Variants in CCDC92B observed in about 807,000 individuals in gnomAD.
CCDC92B encodes coiled-coil domain containing 92B.
In CCDC92B, 2 loss-of-function variants were observed where a neutral mutation model predicts 5.6. The ratio of observed to expected loss-of-function variants is 0.36; its 90% confidence interval spans 0.15 to 1.12. The LOEUF (loss-of-function observed/expected upper bound fraction) is 1.12, where lower values mean the gene tolerates loss of function less well. CCDC92B is among the 50% of genes most tolerant of loss of function. CCDC92B has a pLI of 0.40. For synonymous variants in CCDC92B, 115 were observed against 122.3 expected, an observed-to-expected ratio of 0.94 and a Z score of 0.39; for missense variants, 271 against 262.2, an observed-to-expected ratio of 1.03 and a Z score of -0.23.
chr17:2,749,543 TGCTG>T lies in CCDC92B; in HGVS notation c.-160_-157del, dbSNP rs1464267106. The T allele has an allele frequency of 1.4e-5, 2 of 145,072 alleles. No individual in the cohort carries two copies. Among genetic ancestry groups the T allele is most frequent in the African/African-American group, 5.2e-5 (2 of 38,480 alleles). 9.0% of individuals were successfully genotyped at this position (145,072 alleles called of 1,614,324 possible). A position where few individuals can be genotyped will look rare whatever the true frequency, so the allele number is the denominator to read the frequency against. On this transcript the variant is annotated 5_prime_UTR_variant, in exon 1 of 4. Coordinates refer to ENST00000614400, the MANE Select transcript of CCDC92B (RefSeq NM_001355573.2). Reference sequence around the variant, plus strand: ...CCGCCCCGGCTGCGGCGCCATCAGCTGCTGGGAGGCTGCGGGGCAGTCGGGCCGG... The same window carrying T: ...CCGCCCCGGCTGCGGCGCCATCAGCTGGAGGCTGCGGGGCAGTCGGGCCGG...
Position 2,724,578 on chromosome 17 carries a change from GGGCGCCGGCCCCGCGGTCCCA to G in CCDC92B, c.580_600del (p.Trp194_Ala200del). ...TCGGGCATGGGGTCGGCGTCGTCGA[GGGCGCCGGCCCCGCGGTCCCA>G]GGCGGCCCAGTCCCGGCCGGGGCCC... On this transcript the variant is annotated inframe_deletion, in exon 4 of 4. Coordinates refer to ENST00000614400, the MANE Select transcript of CCDC92B (RefSeq NM_001355573.2). The surrounding 1 kb of genome is among the most constrained non-coding windows in gnomAD (Gnocchi z 5.0). 2.0e-6 allele frequency: 2 copies of G among 981,856 alleles called. No homozygotes were observed. The highest frequency in any genetic ancestry group is 2.4e-6 in the Non-Finnish European group (2 of 828,456). 60.8% of individuals were successfully genotyped at this position (981,856 alleles called of 1,614,324 possible).
chr17:2,730,765 C>T (rs919842251), intron 2 of CCDC92B, among the ~76,000 whole-genome samples: 4 of 152,104 alleles, frequency 2.6e-5, no homozygotes, highest in East Asian at 1.9e-4. Context: ...AGCCTGGGTT[C>T]GGAGTTTAGT....
In CCDC92B at chr17:2,745,488, G is replaced by C. The variant is rs147278094; in HGVS notation, c.-24+3923C>G. Among the ~76,000 whole-genome samples, 1,056 of 152,234 alleles carry C rather than the reference G, an allele frequency of 6.9e-3. 10 individuals carry two copies. Among genetic ancestry groups the C allele is most frequent in the African/African-American group, 0.024 (1,005 of 41,556 alleles). On this transcript the variant is annotated intron_variant, in intron 1 of 3. Transcript: ENST00000614400. Reference sequence around the variant, plus strand: ...TTGAGTATTTGCTTCCAACTAGGCAGGCTGCTTTTCTCAGGGAGGAAATTT... The same window carrying C: ...TTGAGTATTTGCTTCCAACTAGGCACGCTGCTTTTCTCAGGGAGGAAATTT...
At chr17:2,728,917 T>C (rs554907145) in intron 3 of CCDC92B, among the ~76,000 whole-genome samples, 1 of 152,316 alleles carries the variant, frequency 6.6e-6, no homozygotes, top group East Asian at 1.9e-4. Flanking sequence ...ACATCATAGC[T>C]TAAACTTCCA....
Position 2,724,652 on chromosome 17 carries a change from G to C in CCDC92B, c.527C>G (p.Pro176Arg). The C allele has an allele frequency of 2.0e-6, 2 of 981,718 alleles. No homozygotes were observed. Among genetic ancestry groups the C allele is most frequent in the Non-Finnish European group, 2.4e-6 (2 of 828,218 alleles). 60.8% of individuals were successfully genotyped at this position (981,718 alleles called of 1,614,324 possible). ...PRRRALRARRPPAAHEAAAKG... is the reference protein window; with the variant it reads ...PRRRALRARRRPAAHEAAAKG... ...GGCGGCGGCCTCGTGGGCAGCAGGC[G>C]GGCGGCGGGCTCGCAGTGCGCGGCG... Residue 176 changes from proline to arginine, a missense_variant, in exon 4 of 4, where the codon CCG (proline) becomes CGG (arginine). Transcript: ENST00000614400. The surrounding 1 kb of genome is among the most constrained non-coding windows in gnomAD (Gnocchi z 5.0).
intron 1 of CCDC92B, among the ~76,000 whole-genome samples, chr17:2,748,809 T>A (rs1047641491): frequency 6.6e-6 from 1 of 152,252 alleles, no homozygotes; most frequent in Non-Finnish European, 1.5e-5. Context: ...TCTAGGACTC[T>A]GTCTGCAAGG....
intron 1 of CCDC92B, chr17:2,748,639 G>A: frequency 1.0e-6 from 1 of 973,858 alleles, no homozygotes; most frequent in Non-Finnish European, 1.2e-6. Flanking sequence ...GGCCCACAAT[G>A]AATGCTGCTG....
chr17:2,743,930 T>G (rs57553704), intron 1 of CCDC92B, among the ~76,000 whole-genome samples: 5,248 of 152,158 alleles, frequency 0.034, 284 homozygotes, highest in African/African-American at 0.12. Flanking sequence ...CAGGTTGGAG[T>G]GCAATGGCGC....
intron 3 of CCDC92B, among the ~76,000 whole-genome samples, chr17:2,727,612 T>G (rs1322484937): frequency 6.6e-6 from 1 of 151,588 alleles, no homozygotes; most frequent in East Asian, 2.0e-4. Flanking sequence ...GATCACAAGG[T>G]CAGGAGTTCG....
At chr17:2,744,105 C>T (rs2070956765) in intron 1 of CCDC92B, among the ~76,000 whole-genome samples, 2 of 152,028 alleles carry the variant, frequency 1.3e-5, no homozygotes, top group South Asian at 2.1e-4. Context: ...CTCAAACTCC[C>T]GACCTCGTGA....
In CCDC92B at chr17:2,724,412, T is replaced by A. The variant is rs2070698894; in HGVS notation, c.767A>T (p.Ter256LeuextTer7). ...GCGTCACCCCGGCCAGCCTGGCGCC[T>A]ACTCCGGGTCCCCGGGCGCGCTGGG... ...SQPSAPGDPE[*>L] The change falls in exon 4 of 4, where the codon TAG (stop) becomes TTG (leucine). Residue 256 changes from the stop codon to leucine (L), a stop_lost. Coordinates refer to ENST00000614400, the MANE Select transcript of CCDC92B (RefSeq NM_001355573.2). This position sits in a 1 kb window ranked among gnomAD's most constrained non-coding sequence, Gnocchi z 5.0. 7.1e-6 allele frequency: 7 copies of A among 984,512 alleles called. No homozygotes were observed. The highest frequency in any genetic ancestry group is 8.4e-6 in the Non-Finnish European group (7 of 829,644). 61.0% of individuals were successfully genotyped at this position (984,512 alleles called of 1,614,324 possible). A position where few individuals can be genotyped will look rare whatever the true frequency, so the allele number is the denominator to read the frequency against.
intron 1 of CCDC92B, among the ~76,000 whole-genome samples, chr17:2,745,894 C>A: frequency 6.6e-6 from 1 of 152,162 alleles, no homozygotes; most frequent in East Asian, 1.9e-4. Context: ...ACCTCAGAGC[C>A]TGCATTGTTT....
intron 1 of CCDC92B, among the ~76,000 whole-genome samples, chr17:2,736,825 G>A (rs2070863132): frequency 6.6e-6 from 1 of 151,366 alleles, no homozygotes; most frequent in African/African-American, 2.4e-5. Flanking sequence ...AAGCTCCAAT[G>A]AGCCAACATT....
intron 1 of CCDC92B, chr17:2,748,179 T>A (rs751691964): frequency 3.7e-6 from 2 of 544,134 alleles, no homozygotes; most frequent in Non-Finnish European, 7.3e-6. Context: ...TATCTCTTGC[T>A]GCTCTGATGA....
At chr17:2,726,577 A>G (rs2070733706) in intron 3 of CCDC92B, among the ~76,000 whole-genome samples, 1 of 151,954 alleles carries the variant, frequency 6.6e-6, no homozygotes, top group Non-Finnish European at 1.5e-5. Flanking sequence ...TCAGCCTCCC[A>G]AAGTGCTGGG....
chr17:2,736,137 A>C (rs1026057270), intron 1 of CCDC92B, among the ~76,000 whole-genome samples: 9 of 152,136 alleles, frequency 5.9e-5, no homozygotes, highest in Non-Finnish European at 1.0e-4. Flanking sequence ...CCTTTGTAAA[A>C]GAGAAAGGCG....
chr17:2,740,398 A>G (rs2070912733), intron 1 of CCDC92B, among the ~76,000 whole-genome samples: 1 of 152,042 alleles, frequency 6.6e-6, no homozygotes. Flanking sequence ...ACGGTGGTTT[A>G]TGCCTGTAAT....
At chr17:2,739,414 C>T (rs1435406207) in intron 1 of CCDC92B, among the ~76,000 whole-genome samples, 3 of 151,328 alleles carry the variant, frequency 2.0e-5, no homozygotes, top group African/African-American at 7.3e-5. Context: ...GGCGCGGTGG[C>T]TCATGCCTGT....
intron 3 of CCDC92B, among the ~76,000 whole-genome samples, chr17:2,726,180 ATATTTT>A (rs1567610388): frequency 6.0e-5 from 2 of 33,498 alleles, no homozygotes; most frequent in Admixed American, 7.1e-4. Flanking sequence ...ATATATATAT[ATATTTT>A]TTTTTTTTTG....
Sources: gnomAD v4.1 joint callset for allele counts (sites outside exome capture counted in the v4.1 genomes callset) on GRCh38, gnomAD v4.1.1 for gene constraint, Gnocchi (gnomAD v3.1) non-coding constraint, MANE v1.5 for transcripts, NCBI Gene and HGNC (gene_info 2026-07-23, HGNC 2026-07-21) for gene names.